XRCC5: variants seen among roughly 807,000 people sequenced by gnomAD.
The protein encoded by XRCC5 is DNA repair protein Ku80.
In XRCC5, 12 loss-of-function variants were observed where a neutral mutation model predicts 95.7. The observed-to-expected ratio is 0.13, with a 90% CI of 0.08 to 0.20. The LOEUF (loss-of-function observed/expected upper bound fraction) is 0.20, where lower values mean the gene tolerates loss of function less well. Among genes scored for constraint, XRCC5 ranks in the 10% least tolerant of loss-of-function variants. The probability of loss-of-function intolerance (pLI) is 1.00; values close to 1 mark genes in which losing one functional copy is unlikely to be tolerated. For synonymous variants in XRCC5, 281 were observed against 290.3 expected, an observed-to-expected ratio of 0.97 and a Z score of 0.33; for missense variants, 595 against 873.9, an observed-to-expected ratio of 0.68 and a Z score of 4.02.
intron 16 of XRCC5, among the ~76,000 whole-genome samples, chr2:216,186,706 G>A (rs758487741): frequency 4.6e-5 from 7 of 151,970 alleles, no homozygotes; most frequent in Non-Finnish European, 1.0e-4. Flanking sequence ...AACTAATTTC[G>A]AAAAGCATTT....
intron 17 of XRCC5, among the ~76,000 whole-genome samples, chr2:216,190,574 G>T (rs1359576471): frequency 6.6e-6 from 1 of 152,152 alleles, no homozygotes; most frequent in African/African-American, 2.4e-5. Context: ...GCTTTTTATT[G>T]TACTGAAGAC....
intron 15 of XRCC5, among the ~76,000 whole-genome samples, chr2:216,161,564 G>A (rs1175950109): frequency 2.6e-5 from 4 of 152,210 alleles, no homozygotes; most frequent in Non-Finnish European, 4.4e-5. Flanking sequence ...GCATTAAGCT[G>A]TATTTCTCAT....
At chr2:216,181,040 C>A (rs761401788) in intron 16 of XRCC5, among the ~76,000 whole-genome samples, 1 of 151,836 alleles carries the variant, frequency 6.6e-6, no homozygotes, top group Non-Finnish European at 1.5e-5. Context: ...CTCGAACTCC[C>A]GACCTCAGAT....
At chr2:216,175,001 G>T (rs1176012287) in intron 16 of XRCC5, 2 of 309,542 alleles carry the variant, frequency 6.5e-6, no homozygotes, top group Non-Finnish European at 1.3e-5. Flanking sequence ...CCTTTAATGG[G>T]TTCATAATTT....
intron 16 of XRCC5, among the ~76,000 whole-genome samples, chr2:216,177,538 T>C (rs998790044): frequency 6.6e-6 from 1 of 152,194 alleles, no homozygotes; most frequent in Non-Finnish European, 1.5e-5. Context: ...AAAATCATAT[T>C]AGTAGAGGAT....
At chr2:216,199,526 C>A (rs910261525) in intron 19 of XRCC5, among the ~76,000 whole-genome samples, 36 of 152,174 alleles carry the variant, frequency 2.4e-4, no homozygotes, top group Admixed American at 2.2e-3. Context: ...TTTTTATTAT[C>A]ATTATAACCT....
chr2:216,124,845 A>G (rs1020620652), intron 6 of XRCC5, among the ~76,000 whole-genome samples: 3 of 152,166 alleles, frequency 2.0e-5, no homozygotes, highest in Admixed American at 6.5e-5. Flanking sequence ...AATTCCACCT[A>G]TCTCCTATCA....
At chr2:216,160,344 C>A (rs573655045) in intron 15 of XRCC5, among the ~76,000 whole-genome samples, 183 bp downstream of exon 15, 6 of 152,300 alleles carry the variant, frequency 3.9e-5, no homozygotes, top group African/African-American at 1.4e-4. Flanking sequence ...TAATTATTAT[C>A]ATGAATTGCC....
Position 216,205,469 on chromosome 2 carries a change from T to C in XRCC5, c.*267T>C, listed in dbSNP as rs1268587602. The C allele has an allele frequency of 4.0e-6, 2 of 504,396 alleles. No homozygotes were observed. The highest frequency in any genetic ancestry group is 3.9e-5 in the African/African-American group (2 of 51,590). The allele number at this position is 504,396 out of a possible 1,614,324, so 31.2% of individuals were successfully genotyped here. ...TTTTTTCTGTGGTCTTACTGATCTT[T>C]GTATATTACATACATGCTTTGAAGT... is the stretch of plus-strand genomic sequence containing the variant. On this transcript the variant is annotated 3_prime_UTR_variant, in exon 21 of 21. Coordinates refer to ENST00000392132, the MANE Select transcript of XRCC5 (RefSeq NM_021141.4).
intron 2 of XRCC5, among the ~76,000 whole-genome samples, chr2:216,113,952 T>C (rs1696638718): frequency 6.6e-6 from 1 of 152,202 alleles, no homozygotes; most frequent in Non-Finnish European, 1.5e-5. Context: ...AGGTCACATT[T>C]AAGGGAGGAG....
intron 14 of XRCC5, among the ~76,000 whole-genome samples, chr2:216,148,599 TTAAAG>T (rs1429832798): frequency 6.6e-6 from 1 of 152,202 alleles, no homozygotes; most frequent in African/African-American, 2.4e-5. Context: ...GTCACCCTTT[TTAAAG>T]TAAAGTACTG....
chr2:216,122,114 C>T lies in XRCC5; in HGVS notation c.544C>T (p.Pro182Ser). Reference sequence around the variant, plus strand: ...TGGAAGTGGGGACAGAGGAGATGGCCCCTTTCGCTTAGGTGGCCATGGGCC... The same window carrying T: ...TGGAAGTGGGGACAGAGGAGATGGCTCCTTTCGCTTAGGTGGCCATGGGCC... Reference protein sequence around the residue: ...EDGSGDRGDGPFRLGGHGPSF... With the variant: ...EDGSGDRGDGSFRLGGHGPSF... Residue 182 changes from proline (P) to serine (S), a missense_variant, in exon 6 of 21, where the codon CCC becomes TCC. This residue lies in a region of XRCC5 where 286 missense variants were observed against 491.1 expected (regional missense o/e 0.58). Coordinates refer to ENST00000392132, the MANE Select transcript of XRCC5 (RefSeq NM_021141.4). The T allele has an allele frequency of 6.2e-7, 1 of 1,614,090 alleles. No homozygotes were observed. Among genetic ancestry groups the T allele is most frequent in the Non-Finnish European group, 8.5e-7 (1 of 1,179,980 alleles).
Position 216,190,343 on chromosome 2 carries a change from A to G in XRCC5, c.1944+9A>G, listed in dbSNP as rs1405639487. ...GGGAAGAAGCCATTAAGGTAATGCT[A>G]TCCTAGCATCTCTTTTCTTCCTAAA... On this transcript the variant is annotated intron_variant, in intron 17 of 20. Coordinates refer to ENST00000392132, the MANE Select transcript of XRCC5 (RefSeq NM_021141.4). The G allele has an allele frequency of 6.2e-7, 1 of 1,607,270 alleles. No individual in the cohort carries two copies. Among genetic ancestry groups the G allele is most frequent in the African/African-American group, 1.3e-5 (1 of 74,894 alleles).
intron 13 of XRCC5, among the ~76,000 whole-genome samples, chr2:216,142,892 T>C (rs1455891549): frequency 6.6e-6 from 1 of 152,212 alleles, no homozygotes; most frequent in Non-Finnish European, 1.5e-5. Context: ...ATGTGAAGAC[T>C]TGACTCTGAA....
At chr2:216,123,354 C>T (rs961262243) in intron 6 of XRCC5, among the ~76,000 whole-genome samples, 5 of 152,148 alleles carry the variant, frequency 3.3e-5, no homozygotes, top group African/African-American at 4.8e-5. Flanking sequence ...GAATTGCCCA[C>T]GGGATTGCCC....
chr2:216,160,072 G>T lies in XRCC5; in HGVS notation c.1675G>T (p.Glu559Ter). Residue 559 changes from glutamate to a stop codon, truncating the protein, a stop_gained, in exon 15 of 21, where the codon GAA (glutamate) becomes TAA (stop). Transcript: ENST00000392132. LOFTEE classifies it high-confidence loss of function. ...AATTTTTTTTTTCTTTTCTAGCCAT[G>T]AAGATGGACCTACAGCTAAAAAATT... ...TAQEIFQDNH[E>*]DGPTAKKLKT... 2 of 1,576,450 alleles carry T rather than the reference G, an allele frequency of 1.3e-6. No individual in the cohort carries two copies. Among genetic ancestry groups the T allele is most frequent in the Non-Finnish European group, 8.6e-7 (1 of 1,162,230 alleles).
rs1341674634 is a variant in XRCC5, at chr2:216,193,015, C to T, written c.2041+280C>T. Among the ~76,000 whole-genome samples, 3 of 152,200 alleles carry T rather than the reference C, an allele frequency of 2.0e-5. No homozygotes were observed. The East Asian group carries it at 5.8e-4, about 29-fold the overall frequency. On this transcript the variant is annotated intron_variant, in intron 18 of 20. Coordinates refer to ENST00000392132, the MANE Select transcript of XRCC5 (RefSeq NM_021141.4). ...TGACCTATTTCATGGCTGTGCCTTT[C>T]TGTTTGTTGAATGGAGCAGCTGTGT... is the stretch of plus-strand genomic sequence containing the variant.
Position 216,148,184 on chromosome 2 carries a change from T to C in XRCC5, c.1578T>C (p.Ser526=), listed in dbSNP as rs1403121244. The change falls in exon 14 of 21, where the codon AGT becomes AGC. Residue 526 remains serine (S), a synonymous_variant. Transcript: ENST00000392132. ...LNPPAEVTTK[S]QIPLSKIKTL... Reference sequence around the variant, plus strand: ...CTCCCGCTGAGGTGACAACAAAAAGTCAGATTCCTCTCTCTAAAATAAAGA... The same window carrying C: ...CTCCCGCTGAGGTGACAACAAAAAGCCAGATTCCTCTCTCTAAAATAAAGA... The C allele has an allele frequency of 6.2e-7, 1 of 1,614,096 alleles. No individual in the cohort carries two copies. Among genetic ancestry groups the C allele is most frequent in the Non-Finnish European group, 8.5e-7 (1 of 1,179,990 alleles).
chr2:216,134,552 C>T (rs969661003), intron 10 of XRCC5, among the ~76,000 whole-genome samples: 4 of 151,684 alleles, frequency 2.6e-5, no homozygotes, highest in African/African-American at 7.3e-5. Flanking sequence ...CTCAGCCTCC[C>T]GAGTAGCTGG....
Sources: gnomAD v4.1 joint callset for allele counts (sites outside exome capture counted in the v4.1 genomes callset) on GRCh38, gnomAD v4.1.1 for gene constraint, gnomAD v4.1.1 regional missense constraint, MANE v1.5 for transcripts, NCBI Gene and HGNC (gene_info 2026-07-23, HGNC 2026-07-21) for gene names.